Variants in MAFG observed in about 807,000 individuals in gnomAD.
The protein encoded by MAFG is transcription factor MafG.
In MAFG, 3 loss-of-function variants were observed where a neutral mutation model predicts 12.2. The observed-to-expected ratio is 0.25, with a 90% CI of 0.11 to 0.64. MAFG has a LOEUF of 0.64. MAFG is among the 30% of genes least tolerant of loss of function. The probability of loss-of-function intolerance (pLI) is 0.85; values close to 1 mark genes in which losing one functional copy is unlikely to be tolerated. For synonymous variants in MAFG, 126 were observed against 109.1 expected (o/e 1.15, Z -0.96); for missense variants, 153 against 235.5 (o/e 0.65, Z 2.29).
Position 81,919,874 on chromosome 17 carries a change from G to T in MAFG, c.*2731C>A, listed in dbSNP as rs900828659. ...AAGTCGCCCCAAATCCAAAGCTCTT[G>T]AAAGGAGGTATGGCCTCGAAACTCC... is the stretch of plus-strand genomic sequence containing the variant. On this transcript the variant is annotated 3_prime_UTR_variant, in exon 3 of 3. Transcript: ENST00000357736. 1.3e-5 allele frequency: 2 copies of T among 152,242 alleles called. No homozygotes were observed. Among genetic ancestry groups the T allele is most frequent in the African/African-American group, 4.8e-5 (2 of 41,434 alleles). The allele number at this position is 152,242 out of a possible 1,614,324, so 9.4% of individuals were successfully genotyped here.
At chr17:81,925,958 CTGTG>C (rs2040936166) in intron 1 of MAFG, among the ~76,000 whole-genome samples, 1 of 127,068 alleles carries the variant, frequency 7.9e-6, no homozygotes, top group African/African-American at 3.1e-5. Flanking sequence ...GACCTGTGTT[CTGTG>C]TGTATGTGTG....
chr17:81,925,028 T>C (rs943456325), intron 1 of MAFG, among the ~76,000 whole-genome samples: 1 of 151,460 alleles, frequency 6.6e-6, no homozygotes, highest in Admixed American at 6.6e-5. Context: ...CGCCGGGGGG[T>C]GGGGGAGGGG....
chr17:81,927,977 C>T (rs917705579), upstream of MAFG: 1 of 152,276 alleles, frequency 6.6e-6, no homozygotes, highest in Non-Finnish European at 1.5e-5. Context: ...CCTCGCCTGG[C>T]TCCTGCGCCC....
At chr17:81,923,262 ACCCCCC>A (rs1002296043) in intron 1 of MAFG, 48 bp from the exon 2 acceptor site, 3 of 362,738 alleles carry the variant, frequency 8.3e-6, no homozygotes, top group African/African-American at 1.4e-4. Flanking sequence ...CCCTCGCCGC[ACCCCCC>A]CCCCCCCGCC....
chr17:81,923,004 C>A lies in MAFG; in HGVS notation c.90G>T (p.Val30=), dbSNP rs144455047. The change falls in exon 3 of 3, where the codon GTG becomes GTT. Residue 30 remains valine, a synonymous_variant. Coordinates refer to ENST00000357736, the MANE Select transcript of MAFG (RefSeq NM_002359.4). ...GGTTCAGCTCCCGCACCGACATGGT[C>A]ACCAGCTCCTCATCCGTCAGGCTGG... ...NGTSLTDEEL[V]TMSVRELNQH... 2.5e-6 allele frequency: 4 copies of A among 1,597,766 alleles called. No individual in the cohort carries two copies. The highest frequency in any genetic ancestry group is 4.5e-5 in the East Asian group (2 of 44,072).
chr17:81,930,926 G>C (rs907703055), upstream of MAFG, among the ~76,000 whole-genome samples: 2 of 152,188 alleles, frequency 1.3e-5, no homozygotes, highest in African/African-American at 4.8e-5. The surrounding 1 kb of genome is among the most constrained non-coding windows in gnomAD (Gnocchi z 4.1). Context: ...TGGGTCCTTG[G>C]CCCCCGGCAC....
intron 1 of MAFG, 168 bp from the exon 2 acceptor site, chr17:81,923,382 A>T (rs2040914133): frequency 7.8e-6 from 4 of 512,850 alleles, no homozygotes; most frequent in African/African-American, 2.0e-5. Context: ...GGCCTCTCCC[A>T]GGCTGGGCTG....
In MAFG at chr17:81,922,480, A is replaced by AGGGAAGAGAGAAGGGTG; in HGVS notation, c.*108_*124dup. 2 of 751,422 alleles carry AGGGAAGAGAGAAGGGTG rather than the reference A, an allele frequency of 2.7e-6. No homozygotes were observed. The highest frequency in any genetic ancestry group is 4.0e-6 in the Non-Finnish European group (2 of 502,504). The allele number at this position is 751,422 out of a possible 1,614,324, so 46.5% of individuals were successfully genotyped here. A position where few individuals can be genotyped will look rare whatever the true frequency, so the allele number is the denominator to read the frequency against. On this transcript the variant is annotated 3_prime_UTR_variant, in exon 3 of 3. Coordinates refer to ENST00000357736, the MANE Select transcript of MAFG (RefSeq NM_002359.4). ...CCCTGGGGTACAGGTTGTGCTTTGCAGGGAAGAGAGAAGGGTGGGGAAGAG... is the reference window on the plus strand; with the variant it reads ...CCCTGGGGTACAGGTTGTGCTTTGCAGGGAAGAGAGAAGGGTGGGGAAGAGAGAAGGGTGGGGAAGAG...
rs1052164277 is a variant in MAFG, at chr17:81,922,449, C to T, written c.*156G>A. On this transcript the variant is annotated 3_prime_UTR_variant, in exon 3 of 3. Coordinates refer to ENST00000357736, the MANE Select transcript of MAFG (RefSeq NM_002359.4). ...ATGACGAGATCAAAGGGGCTCAGCC[C>T]GGCGCCCCTGGGGTACAGGTTGTGC... 3.6e-6 allele frequency: 2 copies of T among 563,358 alleles called. No homozygotes were observed. The highest frequency in any genetic ancestry group is 2.0e-5 in the African/African-American group (1 of 50,122). 34.9% of individuals were successfully genotyped at this position (563,358 alleles called of 1,614,324 possible).
At chr17:81,925,996 CTG>C (rs532478689) in intron 1 of MAFG, among the ~76,000 whole-genome samples, 71,977 of 88,882 alleles carry the variant, frequency 0.81, 29,741 homozygotes, top group Non-Finnish European at 0.89. Context: ...GAGAATGGAC[CTG>C]TGTGTGTGTG....
upstream of MAFG, chr17:81,930,500 G>GAAAAAA (rs1255838900): frequency 9.0e-6 from 1 of 110,622 alleles, no homozygotes; most frequent in African/African-American, 3.2e-5. This position sits in a 1 kb window ranked among gnomAD's most constrained non-coding sequence, Gnocchi z 4.1. Context: ...ATCGCTACAA[G>GAAAAAA]AAAAAAAAAA....
Position 81,919,635 on chromosome 17 carries a change from GT to G in MAFG, c.*2969del, listed in dbSNP as rs1323662628. ...CCTTGGCCAAAGCCCTCGATTCGCT[GT>G]GTCAGAAAAACTGAGGTGAGAAGAG... On this transcript the variant is annotated 3_prime_UTR_variant, in exon 3 of 3. Coordinates refer to ENST00000357736, the MANE Select transcript of MAFG (RefSeq NM_002359.4). The G allele has an allele frequency of 6.6e-6, 1 of 152,276 alleles. No homozygotes were observed. The highest frequency in any genetic ancestry group is 6.5e-5 in the Admixed American group (1 of 15,282). The allele number at this position is 152,276 out of a possible 1,614,324, so 9.4% of individuals were successfully genotyped here.
rs1159304657 is a variant in MAFG, at chr17:81,920,341, G to A, written c.*2264C>T. On this transcript the variant is annotated 3_prime_UTR_variant, in exon 3 of 3. Transcript: ENST00000357736. ...GATGGTGCCTCCCTGTTCCCATCCT[G>A]TGGGCACACCAGGCCAAACTATTGG... 6.6e-6 allele frequency: 1 copy of A among 152,222 alleles called. No homozygotes were observed. Among genetic ancestry groups the A allele is most frequent in the Non-Finnish European group, 1.5e-5 (1 of 68,050 alleles). 9.4% of individuals were successfully genotyped at this position (152,222 alleles called of 1,614,324 possible).
upstream of MAFG, chr17:81,927,958 C>T (rs555451187): frequency 4.6e-5 from 7 of 152,328 alleles, no homozygotes; most frequent in South Asian, 2.1e-4. Flanking sequence ...GTCCTGCAGC[C>T]GGAGCCTGCC....
rs562626861 is a variant in MAFG, at chr17:81,924,142, G to A, written c.-29-928C>T. ...AAGGGCTCCCACAGTGAGCCACCCCGGGCCTGCCCAACGTGAAGGCTGGCG... is the reference window on the plus strand; with the variant it reads ...AAGGGCTCCCACAGTGAGCCACCCCAGGCCTGCCCAACGTGAAGGCTGGCG... On this transcript the variant is annotated intron_variant, in intron 1 of 2. Transcript: ENST00000357736. The surrounding 1 kb of genome is among the most constrained non-coding windows in gnomAD (Gnocchi z 4.7). The A allele has an allele frequency of 5.9e-5, 9 of 152,392 alleles. No individual in the cohort carries two copies. Among genetic ancestry groups the A allele is most frequent in the East Asian group, 1.9e-4 (1 of 5,190 alleles). 9.4% of individuals were successfully genotyped at this position (152,392 alleles called of 1,614,324 possible).
At position 81,922,463 on chromosome 17, in the gene MAFG, T is replaced by TAAAAA; in HGVS notation, c.*141_*142insTTTTT. The stretch of plus-strand genomic sequence containing the variant: ...GGGGCTCAGCCCGGCGCCCCTGGGG[T>TAAAAA]ACAGGTTGTGCTTTGCAGGGAAGAG... On this transcript the variant is annotated 3_prime_UTR_variant, in exon 3 of 3. Coordinates refer to ENST00000357736, the MANE Select transcript of MAFG (RefSeq NM_002359.4). 3.2e-6 allele frequency: 2 copies of TAAAAA among 622,982 alleles called. No individual in the cohort carries two copies. Among genetic ancestry groups the TAAAAA allele is most frequent in the Non-Finnish European group, 2.5e-6 (1 of 395,734 alleles). 38.6% of individuals were successfully genotyped at this position (622,982 alleles called of 1,614,324 possible).
Position 81,924,665 on chromosome 17 carries a change from C to G in MAFG, c.-29-1451G>C, listed in dbSNP as rs2040925414. ...CCAAGCCAGCTCAGAGGCAAGGTCC[C>G]GAGGCTCCAGCCACTGGATTCTTCC... is the stretch of plus-strand genomic sequence containing the variant. On this transcript the variant is annotated intron_variant, in intron 1 of 2. Coordinates refer to ENST00000357736, the MANE Select transcript of MAFG (RefSeq NM_002359.4). The surrounding 1 kb of genome is among the most constrained non-coding windows in gnomAD (Gnocchi z 4.7). Among the ~76,000 whole-genome samples the G allele has an allele frequency of 6.6e-6, 1 of 152,154 alleles. No individual in the cohort carries two copies. Among genetic ancestry groups the G allele is most frequent in the African/African-American group, 2.4e-5 (1 of 41,426 alleles).
rs943385506 is a variant in MAFG, at chr17:81,920,819, C to T, written c.*1786G>A. The T allele has an allele frequency of 1.3e-5, 2 of 152,340 alleles. No individual in the cohort carries two copies. 9.4% of individuals were successfully genotyped at this position (152,340 alleles called of 1,614,324 possible). On this transcript the variant is annotated 3_prime_UTR_variant, in exon 3 of 3. Coordinates refer to ENST00000357736, the MANE Select transcript of MAFG (RefSeq NM_002359.4). ...CCTTGTCTGCACTGGTGGAGACCCC[C>T]AAGGCTCTCAGAGTGAGGCAGGGAC...
chr17:81,927,771 C>A (rs1225852330), upstream of MAFG: 1 of 152,078 alleles, frequency 6.6e-6, no homozygotes, highest in Non-Finnish European at 1.5e-5. Flanking sequence ...CATGAAGCGG[C>A]GACGCGGCCG....
Sources: allele counts gnomAD v4.1 joint callset (sites outside exome capture counted in the v4.1 genomes callset), GRCh38; gene constraint gnomAD v4.1.1; non-coding constraint Gnocchi (gnomAD v3.1); transcripts MANE v1.5; gene names NCBI Gene and HGNC (gene_info 2026-07-23, HGNC 2026-07-21).